Variants in FBXL13 observed in about 807,000 individuals in gnomAD.
FBXL13 encodes F-box and leucine-rich repeat protein 13.
Under a neutral mutation model 83.6 loss-of-function variants are expected in FBXL13, and 67 were observed. The observed-to-expected ratio is 0.80, with a 90% CI of 0.66 to 0.98. FBXL13 has a LOEUF of 0.98. FBXL13 is among the 50% of genes least tolerant of loss of function. FBXL13 has a pLI of 0.00. For synonymous variants in FBXL13, 272 were observed against 299.5 expected (o/e 0.91, Z 0.95); for missense variants, 822 against 866.5 (o/e 0.95, Z 0.64).
intron 5 of FBXL13, among the ~76,000 whole-genome samples, chr7:103,025,863 C>G (rs545600784): frequency 6.6e-6 from 1 of 151,736 alleles, no homozygotes; most frequent in South Asian, 2.1e-4. Flanking sequence ...CACAGGTGTT[C>G]CCTGCCTCTG....
At chr7:102,840,480 G>C (rs558113454) in intron 17 of FBXL13, among the ~76,000 whole-genome samples, 1 of 152,180 alleles carries the variant, frequency 6.6e-6, no homozygotes, top group South Asian at 2.1e-4. Context: ...AAAATAATCA[G>C]CCAGAAAGAG....
At chr7:102,874,676 C>T (rs963122417) in intron 16 of FBXL13, among the ~76,000 whole-genome samples, 4 of 152,132 alleles carry the variant, frequency 2.6e-5, no homozygotes, top group Admixed American at 6.5e-5. Context: ...GCCATACTCC[C>T]ACCTGTCAGC....
At chr7:102,889,187 G>C (rs1003690023) in intron 11 of FBXL13, among the ~76,000 whole-genome samples, 6 of 152,166 alleles carry the variant, frequency 3.9e-5, no homozygotes, top group Non-Finnish European at 5.9e-5. Flanking sequence ...GGGATTCAGA[G>C]AAGTTGTGTG....
chr7:102,937,629 T>C (rs888028820), intron 8 of FBXL13, among the ~76,000 whole-genome samples: 1 of 152,226 alleles, frequency 6.6e-6, no homozygotes, highest in Non-Finnish European at 1.5e-5. Flanking sequence ...TTTTTTGTTA[T>C]ATTGCTGATT....
chr7:102,951,900 TA>T (rs1823483899), intron 8 of FBXL13, among the ~76,000 whole-genome samples: 1 of 151,750 alleles, frequency 6.6e-6, no homozygotes, highest in African/African-American at 2.4e-5. Context: ...TGAATATCCA[TA>T]TTTATAGTAG....
chr7:102,999,532 A>G (rs1448767729), intron 6 of FBXL13, among the ~76,000 whole-genome samples: 1 of 152,230 alleles, frequency 6.6e-6, no homozygotes, highest in African/African-American at 2.4e-5. Flanking sequence ...TCAGCAGTGA[A>G]GCCATCAGGT....
downstream of FBXL13, among the ~76,000 whole-genome samples, chr7:102,813,051 C>T (rs1797543387): frequency 6.6e-6 from 1 of 152,060 alleles, no homozygotes; most frequent in Non-Finnish European, 1.5e-5. Context: ...CCATGTTGGC[C>T]AGGCTGGTCT....
intron 19 of FBXL13, 144 bp from the exon 21 acceptor site, chr7:102,813,675 G>C: frequency 1.3e-6 from 1 of 780,724 alleles, no homozygotes; most frequent in Non-Finnish European, 2.1e-6. Flanking sequence ...TGAGAGTGAG[G>C]ATATGGGTAA....
At chr7:103,040,920 T>G (rs1050080739) in intron 2 of FBXL13, among the ~76,000 whole-genome samples, 1 of 151,990 alleles carries the variant, frequency 6.6e-6, no homozygotes, top group South Asian at 2.1e-4. Context: ...TTAAAAGAAC[T>G]AGAGAAGCAA....
At chr7:102,995,514 C>A (rs1351527704) in intron 6 of FBXL13, among the ~76,000 whole-genome samples, 1 of 143,206 alleles carries the variant, frequency 7.0e-6, no homozygotes, top group African/African-American at 2.6e-5. Context: ...ATAGGCCGGG[C>A]ACAGTGGCTC....
intron 6 of FBXL13, chr7:102,973,840 A>G: frequency 1.4e-6 from 1 of 704,522 alleles, no homozygotes; most frequent in East Asian, 2.7e-5. Context: ...TCCAGTCTGA[A>G]AATCCAACAT....
At chr7:102,816,718 T>G (rs569576111) in intron 19 of FBXL13, among the ~76,000 whole-genome samples, 1 of 152,186 alleles carries the variant, frequency 6.6e-6, no homozygotes, top group Admixed American at 6.6e-5. Context: ...ATCAGCCAAA[T>G]AGTGAACATA....
Position 103,020,795 on chromosome 7 carries a change from C to G in FBXL13, c.495+4268G>C, listed in dbSNP as rs187176946. Among the ~76,000 whole-genome samples, 29 of 152,262 alleles carry G rather than the reference C, an allele frequency of 1.9e-4. No individual in the cohort carries two copies. The East Asian group carries it at 5.2e-3, about 27-fold the overall frequency. On this transcript the variant is annotated intron_variant, in intron 6 of 19. Coordinates refer to ENST00000313221, the Ensembl canonical transcript of FBXL13. ...TTACAAGAAATGTGAAGGACCTCTT[C>G]GAGGAGAACTACAAACCTCTGCTCA...
chr7:102,870,651 G>A (rs1808403177), intron 16 of FBXL13, among the ~76,000 whole-genome samples: 3 of 152,200 alleles, frequency 2.0e-5, no homozygotes. Flanking sequence ...GCAGAGCTAA[G>A]TGAAAGCAGT....
chr7:102,813,129 C>T (rs1201826658), downstream of FBXL13: 8 of 512,608 alleles, frequency 1.6e-5, no homozygotes, highest in East Asian at 7.3e-5. Flanking sequence ...TGTGAGCCAC[C>T]GCTCCTGGCC....
In FBXL13 at chr7:102,878,463, G is replaced by GTT; in HGVS notation, c.1389-14_1389-13insAA. 6.7e-7 allele frequency: 1 copy of GTT among 1,500,280 alleles called. No homozygotes were observed. The highest frequency in any genetic ancestry group is 8.8e-7 in the Non-Finnish European group (1 of 1,134,750). The allele number at this position is 1,500,280 out of a possible 1,614,324, so 92.9% of individuals were successfully genotyped here. On this transcript the variant is annotated splice_polypyrimidine_tract_variant and intron_variant, in intron 14 of 19. Transcript: ENST00000313221. ...CATATCACCAATTCTGTAGGAAAGA[G>GTT]AGAAAAATTTTACATGTGATTCTAT...
intron 18 of FBXL13, among the ~76,000 whole-genome samples, chr7:102,829,583 G>A (rs1800299595): frequency 6.6e-6 from 1 of 152,188 alleles, no homozygotes; most frequent in Admixed American, 6.5e-5. Flanking sequence ...AGGGCCTAGT[G>A]CACTGCTGAG....
intron 8 of FBXL13, among the ~76,000 whole-genome samples, chr7:102,955,029 G>A (rs1437037528): frequency 6.6e-6 from 1 of 152,146 alleles, no homozygotes; most frequent in Non-Finnish European, 1.5e-5. Context: ...ACTCAGCTCT[G>A]CAACAAGCAG....
At chr7:103,034,341 T>C (rs568498411) in intron 2 of FBXL13, among the ~76,000 whole-genome samples, 11 of 152,296 alleles carry the variant, frequency 7.2e-5, no homozygotes, top group African/African-American at 2.6e-4. Flanking sequence ...CCATGGACGG[T>C]GTGGGGGAGG....
Sources: gnomAD v4.1 joint callset for allele counts (sites outside exome capture counted in the v4.1 genomes callset) on GRCh38, gnomAD v4.1.1 for gene constraint, MANE v1.5 for transcripts, NCBI Gene and HGNC (gene_info 2026-07-23, HGNC 2026-07-21) for gene names.